The following SGCZ variants were observed in gnomAD, a reference collection of about 807,000 sequenced individuals.
SGCZ encodes the protein sarcoglycan zeta, also known as zeta-sarcoglycan.
SGCZ carries 40 observed loss-of-function variants against 41.3 expected under a neutral mutation model. The observed-to-expected ratio is 0.97, with a 90% CI of 0.75 to 1.26. The LOEUF is 1.26. Among genes scored for constraint, SGCZ ranks in the 50% most tolerant of loss-of-function variants. The pLI is 0.00. For synonymous variants in SGCZ, 206 were observed against 137.5 expected (o/e 1.50, Z -3.49); for missense variants, 552 against 369.8 (o/e 1.49, Z -4.04).
intron 1 of SGCZ, among the ~76,000 whole-genome samples, chr8:14,591,013 C>T (rs1371361501): frequency 1.3e-5 from 2 of 150,148 alleles, no homozygotes; most frequent in African/African-American, 2.5e-5. Context: ...ATTATGCCAT[C>T]ATTTTTTTTT....
intron 1 of SGCZ, among the ~76,000 whole-genome samples, chr8:14,787,810 C>T (rs1585260406): frequency 6.6e-6 from 1 of 152,016 alleles, no homozygotes; most frequent in African/African-American, 2.4e-5. Context: ...CTCATCACTG[C>T]ACTCCAGCCT....
At chr8:14,174,459 C>A (rs182101355) in intron 4 of SGCZ, among the ~76,000 whole-genome samples, 1 of 151,908 alleles carries the variant, frequency 6.6e-6, no homozygotes, top group South Asian at 2.1e-4. Context: ...TACTGGTATT[C>A]CTGACAGAGA....
intron 2 of SGCZ, among the ~76,000 whole-genome samples, chr8:14,469,027 G>T (rs570585275): frequency 2.2e-4 from 34 of 151,196 alleles, no homozygotes; most frequent in Non-Finnish European, 4.4e-4. Flanking sequence ...CCTCCTCTTG[G>T]CCTGTTTCTT....
At chr8:14,634,184 A>G (rs527655350) in intron 1 of SGCZ, among the ~76,000 whole-genome samples, 1 of 151,946 alleles carries the variant, frequency 6.6e-6, no homozygotes, top group Non-Finnish European at 1.5e-5. Flanking sequence ...TCCACTTCCA[A>G]TTTTTATCAA....
At chr8:15,209,514 G>A (rs1801173615) in intron 1 of SGCZ, among the ~76,000 whole-genome samples, 1 of 138,928 alleles carries the variant, frequency 7.2e-6, no homozygotes, top group Non-Finnish European at 1.5e-5. Flanking sequence ...GTGGCTTTCA[G>A]CTTGTGTTAA....
At chr8:14,225,417 C>G (rs1433564295) in intron 4 of SGCZ, among the ~76,000 whole-genome samples, 1 of 152,050 alleles carries the variant, frequency 6.6e-6, no homozygotes, top group Non-Finnish European at 1.5e-5. Context: ...TTAGGTACCA[C>G]TATCTTTTAA....
intron 1 of SGCZ, among the ~76,000 whole-genome samples, chr8:14,622,905 G>A (rs868715289): frequency 2.6e-5 from 4 of 152,266 alleles, no homozygotes; most frequent in Admixed American, 6.5e-5. Context: ...CTGAATAAAA[G>A]CAGGTAATGC....
At chr8:14,578,806 C>T (rs1804795428) in intron 1 of SGCZ, among the ~76,000 whole-genome samples, 1 of 152,128 alleles carries the variant, frequency 6.6e-6, no homozygotes, top group Non-Finnish European at 1.5e-5. Context: ...GTCATTAAGA[C>T]ATTGTCTCTC....
chr8:14,377,291 A>T, intron 2 of SGCZ, among the ~76,000 whole-genome samples: 1 of 152,110 alleles, frequency 6.6e-6, no homozygotes. Context: ...ACATTGGTGA[A>T]CACATGGAGG....
chr8:14,266,312 T>C (rs183264346), intron 3 of SGCZ, among the ~76,000 whole-genome samples: 1 of 152,136 alleles, frequency 6.6e-6, no homozygotes, highest in South Asian at 2.1e-4. Flanking sequence ...GGTCTTCCAT[T>C]TTTGTGGGTG....
At chr8:14,535,713 C>G (rs1585057387) in intron 2 of SGCZ, among the ~76,000 whole-genome samples, 1 of 151,796 alleles carries the variant, frequency 6.6e-6, no homozygotes, top group African/African-American at 2.4e-5. Flanking sequence ...AGATTTCACA[C>G]AATTTTATTA....
intron 3 of SGCZ, chr8:14,319,578 G>A (rs1456466314): frequency 2.0e-5 from 3 of 151,958 alleles, no homozygotes; most frequent in African/African-American, 4.8e-5. Flanking sequence ...TACTAGGAGG[G>A]AAGGAATGAT....
intron 1 of SGCZ, among the ~76,000 whole-genome samples, chr8:15,025,635 A>C (rs531297220): frequency 6.7e-4 from 102 of 152,314 alleles, no homozygotes; most frequent in Middle Eastern, 6.8e-3. Context: ...AGAACTGCTA[A>C]CATGCCATGT....
chr8:14,834,134 C>G (rs566927090), intron 1 of SGCZ, among the ~76,000 whole-genome samples: 8 of 152,172 alleles, frequency 5.3e-5, no homozygotes, highest in African/African-American at 1.9e-4. Flanking sequence ...ATCCGTGATT[C>G]TCACTATGTC....
intron 1 of SGCZ, among the ~76,000 whole-genome samples, chr8:14,775,376 C>T (rs1327175547): frequency 6.6e-6 from 1 of 151,942 alleles, no homozygotes; most frequent in Non-Finnish European, 1.5e-5. Flanking sequence ...TTTCCTACTA[C>T]CTATCACAAA....
chr8:14,586,086 T>C (rs2117271611), intron 1 of SGCZ, among the ~76,000 whole-genome samples: 1 of 152,368 alleles, frequency 6.6e-6, no homozygotes, highest in African/African-American at 2.4e-5. Flanking sequence ...TAGTTAATCC[T>C]ATTAACTATA....
At chr8:14,866,995 T>C (rs1232750616) in intron 1 of SGCZ, among the ~76,000 whole-genome samples, 1 of 152,158 alleles carries the variant, frequency 6.6e-6, no homozygotes, top group Non-Finnish European at 1.5e-5. Context: ...TAGAGTGGTC[T>C]GATGGAAGTA....
chr8:15,029,308 A>C (rs552233167), intron 1 of SGCZ, among the ~76,000 whole-genome samples: 1 of 152,186 alleles, frequency 6.6e-6, no homozygotes, highest in Non-Finnish European at 1.5e-5. Flanking sequence ...TATAGAAAAA[A>C]ACCATATGCC....
At chr8:14,383,752 G>C (rs1308514477) in intron 2 of SGCZ, among the ~76,000 whole-genome samples, 1 of 151,972 alleles carries the variant, frequency 6.6e-6, no homozygotes, top group Non-Finnish European at 1.5e-5. Context: ...TCTAGTTTTA[G>C]AAACAATTTA....
Sources: gnomAD v4.1 joint callset for allele counts (sites outside exome capture counted in the v4.1 genomes callset) on GRCh38, gnomAD v4.1.1 for gene constraint, MANE v1.5 for transcripts, NCBI Gene and HGNC (gene_info 2026-07-23, HGNC 2026-07-21) for gene names.